The following PLAAT3 variants were observed in gnomAD, a reference collection of about 807,000 sequenced individuals.
The protein encoded by PLAAT3 is Ca-independent phospholipase A1/2.
PLAAT3 carries 21 observed loss-of-function variants against 16.7 expected under a neutral mutation model. The observed-to-expected ratio is 1.26, with a 90% CI of 0.89 to 1.81. PLAAT3 has a LOEUF of 1.81. Among genes scored for constraint, PLAAT3 ranks in the 40% most tolerant of loss-of-function variants. PLAAT3 has a pLI of 0.00. For synonymous variants in PLAAT3, 76 were observed against 81.7 expected (o/e 0.93, Z 0.38); for missense variants, 219 against 213.7 (o/e 1.02, Z -0.16).
chr11:63,576,112 C>T (rs540935110), intron 4 of PLAAT3, among the ~76,000 whole-genome samples: 3 of 152,288 alleles, frequency 2.0e-5, no homozygotes. Context: ...ACACAAGAGT[C>T]CAGAAGACTT....
At position 63,576,010 on chromosome 11, in the gene PLAAT3, C is replaced by G. The variant is rs1247775744; in HGVS notation, c.388-964G>C. Among the ~76,000 whole-genome samples the G allele has an allele frequency of 2.0e-5, 3 of 152,182 alleles. No individual in the cohort carries two copies. The East Asian group carries it at 5.8e-4, about 29-fold the overall frequency. ...GAAGCACATGTGAGAATGTGGGTAT[C>G]ATACCACAAACAAGGGATTGAGAGA... On this transcript the variant is annotated intron_variant, in intron 4 of 4. Transcript: ENST00000415826.
At chr11:63,601,832 C>T (rs1228035391) in intron 2 of PLAAT3, among the ~76,000 whole-genome samples, 2 of 152,062 alleles carry the variant, frequency 1.3e-5, no homozygotes. Flanking sequence ...AAAAAATTAG[C>T]CAGACGTGGT....
At chr11:63,605,024 T>C (rs1938521481) in intron 2 of PLAAT3, among the ~76,000 whole-genome samples, 1 of 152,172 alleles carries the variant, frequency 6.6e-6, no homozygotes, top group Non-Finnish European at 1.5e-5. Context: ...TTCTATATAT[T>C]CCAGGTCTTC....
At chr11:63,612,138 CA>C (rs968229554) in intron 2 of PLAAT3, among the ~76,000 whole-genome samples, 33 of 145,644 alleles carry the variant, frequency 2.3e-4, no homozygotes, top group Admixed American at 3.4e-4. Context: ...AACTCCATCT[CA>C]AAAAAAAAAA....
chr11:63,593,539 G>T (rs965902841), intron 3 of PLAAT3, among the ~76,000 whole-genome samples: 1 of 152,244 alleles, frequency 6.6e-6, no homozygotes, highest in African/African-American at 2.4e-5. Context: ...ACAGGCCACA[G>T]TGTAGACTTT....
At chr11:63,575,138 A>C in intron 4 of PLAAT3, 92 bp from the exon 5 acceptor site, 24 of 844,486 alleles carry the variant, frequency 2.8e-5, no homozygotes, top group South Asian at 4.4e-5. Context: ...GGGATACCTC[A>C]CATGCCCCTT....
chr11:63,575,550 A>G (rs1430826691), intron 4 of PLAAT3, among the ~76,000 whole-genome samples: 1 of 152,236 alleles, frequency 6.6e-6, no homozygotes, highest in Non-Finnish European at 1.5e-5. Context: ...ATGTTCTTAA[A>G]TAAATGACTC....
At chr11:63,605,861 T>A (rs567318199) in intron 2 of PLAAT3, among the ~76,000 whole-genome samples, 11 of 151,872 alleles carry the variant, frequency 7.2e-5, no homozygotes, top group Admixed American at 7.2e-4. Context: ...CCTTTGTTTG[T>A]TTGTTTGTTT....
intron 4 of PLAAT3, among the ~76,000 whole-genome samples, chr11:63,583,023 C>T (rs1937865028): frequency 6.6e-6 from 1 of 152,040 alleles, no homozygotes; most frequent in Admixed American, 6.6e-5. Flanking sequence ...CCCAGCTACT[C>T]AGAAGGCTGA....
intron 4 of PLAAT3, among the ~76,000 whole-genome samples, chr11:63,581,436 C>A (rs946378036): frequency 6.6e-6 from 1 of 152,140 alleles, no homozygotes; most frequent in Non-Finnish European, 1.5e-5. Context: ...GAGATAAGGA[C>A]TGAAATATGC....
At chr11:63,606,854 C>T (rs1938580726) in intron 2 of PLAAT3, among the ~76,000 whole-genome samples, 1 of 152,214 alleles carries the variant, frequency 6.6e-6, no homozygotes, top group Admixed American at 6.5e-5. Flanking sequence ...CACCTGACAG[C>T]GCTACACCTT....
chr11:63,579,888 A>AAAG (rs1452990182), intron 4 of PLAAT3, among the ~76,000 whole-genome samples: 4 of 150,700 alleles, frequency 2.7e-5, no homozygotes, highest in Non-Finnish European at 4.4e-5. Context: ...AAAAAAAAAA[A>AAAG]AAGAAGAAGA....
At chr11:63,587,411 C>T (rs532653744) in intron 4 of PLAAT3, among the ~76,000 whole-genome samples, 1 of 151,792 alleles carries the variant, frequency 6.6e-6, no homozygotes, top group Admixed American at 6.6e-5. Context: ...GACAATAAAC[C>T]AATGCCTTCA....
intron 4 of PLAAT3, among the ~76,000 whole-genome samples, chr11:63,584,222 A>G (rs1348181021): frequency 6.6e-6 from 1 of 151,444 alleles, no homozygotes; most frequent in Non-Finnish European, 1.5e-5. Context: ...CACATCTTCA[A>G]TTTCTATTTA....
intron 4 of PLAAT3, among the ~76,000 whole-genome samples, chr11:63,576,837 T>A (rs527478498): frequency 6.6e-6 from 1 of 152,126 alleles, no homozygotes; most frequent in Admixed American, 6.6e-5. Context: ...ATTAAGTGTA[T>A]AAAACTGAAA....
At chr11:63,615,182 G>GTATATGTGTATATATGTGTGTA (rs1565259832), upstream of PLAAT3, among the ~76,000 whole-genome samples, 2 of 27,116 alleles carry the variant, frequency 7.4e-5, no homozygotes, top group Non-Finnish European at 1.1e-4. Flanking sequence ...GTATATGTGT[G>GTATATGTGTATATATGTGTGTA]TATATATATG....
intron 2 of PLAAT3, among the ~76,000 whole-genome samples, chr11:63,599,729 T>C (rs1938376658): frequency 1.3e-5 from 2 of 151,992 alleles, no homozygotes; most frequent in South Asian, 2.1e-4. Context: ...AAAAAGAGTA[T>C]TAATTGTTTG....
At chr11:63,575,406 A>G (rs1305738217) in intron 4 of PLAAT3, among the ~76,000 whole-genome samples, 1 of 152,226 alleles carries the variant, frequency 6.6e-6, no homozygotes, top group Non-Finnish European at 1.5e-5. Flanking sequence ...GCAAAGGTGG[A>G]GTCAGGGAGG....
At chr11:63,613,912 G>C (rs967276184) in intron 2 of PLAAT3, 88 bp downstream of exon 2, 1 of 830,458 alleles carries the variant, frequency 1.2e-6, no homozygotes, top group African/African-American at 1.7e-5. Flanking sequence ...CTCCTCTCTC[G>C]GAAGCAGTAA....
Sources: allele counts gnomAD v4.1 joint callset (sites outside exome capture counted in the v4.1 genomes callset), GRCh38; gene constraint gnomAD v4.1.1; transcripts MANE v1.5; gene names NCBI Gene and HGNC (gene_info 2026-07-23, HGNC 2026-07-21).